SCN9A: variants seen among roughly 807,000 people sequenced by gnomAD.
SCN9A encodes the protein sodium channel protein type 9 subunit alpha.
SCN9A carries 131 observed loss-of-function variants against 187.0 expected under a neutral mutation model. That is an observed-to-expected ratio of 0.70 (90% CI 0.61 to 0.81). The LOEUF is 0.81. Among genes scored for constraint, SCN9A ranks in the 30% least tolerant of loss-of-function variants. SCN9A has a pLI of 0.00. For synonymous variants in SCN9A, 809 were observed against 808.6 expected, an observed-to-expected ratio of 1.00 and a Z score of -0.01; for missense variants, 2,252 against 2,396.6, an observed-to-expected ratio of 0.94 and a Z score of 1.26.
intron 1 of SCN9A, among the ~76,000 whole-genome samples, chr2:166,348,687 C>A (rs2105294353): frequency 6.6e-6 from 1 of 152,188 alleles, no homozygotes; most frequent in Admixed American, 6.5e-5. Flanking sequence ...CTAAGTGGTC[C>A]CAGCCCAATT....
intron 1 of SCN9A, among the ~76,000 whole-genome samples, chr2:166,352,005 A>T (rs6432907): frequency 0.62 from 93,508 of 151,934 alleles, 29,151 homozygotes; most frequent in African/African-American, 0.73. Context: ...TCACAAATAG[A>T]CTTCCCTATT....
chr2:166,289,862 T>C (rs1697961607), intron 9 of SCN9A, among the ~76,000 whole-genome samples: 1 of 152,180 alleles, frequency 6.6e-6, no homozygotes, highest in Admixed American at 6.5e-5. Context: ...GGTATCTCAT[T>C]GTGGTTTTGA....
chr2:166,224,012 A>G (rs1694739525), intron 24 of SCN9A, among the ~76,000 whole-genome samples: 1 of 152,196 alleles, frequency 6.6e-6, no homozygotes, highest in African/African-American at 2.4e-5. Flanking sequence ...CTTCTAAATC[A>G]GTAACTGTTT....
At chr2:166,217,039 G>T (rs971141801) in intron 24 of SCN9A, among the ~76,000 whole-genome samples, 1 of 152,080 alleles carries the variant, frequency 6.6e-6, no homozygotes, top group Non-Finnish European at 1.5e-5. Context: ...AGGATAAAAA[G>T]CCCAGAAATA....
intron 1 of SCN9A, among the ~76,000 whole-genome samples, chr2:166,374,297 T>G (rs1202002609): frequency 6.6e-6 from 1 of 152,210 alleles, no homozygotes; most frequent in Non-Finnish European, 1.5e-5. Flanking sequence ...CTTTTAAACC[T>G]CTACAAAATT....
rs1697320451 is a variant in SCN9A, at chr2:166,278,157, G to T, written c.2500C>A (p.Leu834Met). 6.2e-7 allele frequency: 1 copy of T among 1,612,348 alleles called. No individual in the cohort carries two copies. The highest frequency in any genetic ancestry group is 1.3e-5 in the African/African-American group (1 of 74,806). Residue 834 changes from leucine to methionine, a missense_variant, in exon 15 of 27, where the codon CTG becomes ATG. Leu to Met is a conservative substitution (Grantham distance 15). Transcript: ENST00000642356. ...ATGTTTACCAGTCTGAATGATCGCA[G>T]AACTGACAATCCTTCCACATCTGCT... ...FLADVEGLSVLRSFRLLRVFK... is the reference protein window; with the variant it reads ...FLADVEGLSVMRSFRLLRVFK...
intron 19 of SCN9A, among the ~76,000 whole-genome samples, chr2:166,239,446 T>A (rs6432890): frequency 0.86 from 130,789 of 152,128 alleles, 56,315 homozygotes; most frequent in East Asian, 0.95. Flanking sequence ...ACGTTCTGCT[T>A]TCAATACTCT....
intron 5 of SCN9A, 148 bp from the exon 6 acceptor site, chr2:166,304,477 T>C: frequency 1.6e-6 from 1 of 634,326 alleles, no homozygotes; most frequent in South Asian, 2.1e-5. Flanking sequence ...CTAACTTAAT[T>C]TAATTAGCAT....
At chr2:166,331,275 C>T (rs940732015) in intron 1 of SCN9A, among the ~76,000 whole-genome samples, 1 of 152,096 alleles carries the variant, frequency 6.6e-6, no homozygotes. Context: ...TTTACCACAA[C>T]TGAGTATAGT....
intron 17 of SCN9A, among the ~76,000 whole-genome samples, chr2:166,266,718 T>G (rs1388418262): frequency 6.6e-6 from 1 of 151,886 alleles, no homozygotes; most frequent in Non-Finnish European, 1.5e-5. Flanking sequence ...TCCCTTTTTG[T>G]GTCCTCTTCA....
rs58465962 is a variant in SCN9A, at chr2:166,288,596, C to T, written c.1155G>A (p.Val385=). The change falls in exon 10 of 27, where the codon GTG becomes GTA. Residue 385 remains valine (V), a synonymous_variant. Coordinates refer to ENST00000642356, the MANE Select transcript of SCN9A (RefSeq NM_001365536.1). ...GKTYMIFFVV[V]IFLGSFYLIN... is the part of the protein sequence containing the mutation. ...TTAGATAAAAGGAGCCCAGGAAAAT[C>T]ACTACGACAAAGAAGATCATGTAGG... 6.2e-7 allele frequency: 1 copy of T among 1,611,642 alleles called. No individual in the cohort carries two copies. The highest frequency in any genetic ancestry group is 2.2e-5 in the East Asian group (1 of 44,854).
At chr2:166,368,981 C>A (rs540688834) in intron 1 of SCN9A, among the ~76,000 whole-genome samples, 2 of 147,180 alleles carry the variant, frequency 1.4e-5, no homozygotes, top group African/African-American at 5.1e-5. Flanking sequence ...GAGTGAAACT[C>A]GGTCTCAAAA....
At chr2:166,313,915 T>C (rs1160768432) in intron 1 of SCN9A, among the ~76,000 whole-genome samples, 1 of 152,144 alleles carries the variant, frequency 6.6e-6, no homozygotes, top group African/African-American at 2.4e-5. Flanking sequence ...GGGTTACTAA[T>C]TGGCCTAATT....
At position 166,280,566 on chromosome 2, in the gene SCN9A, G is replaced by A. The variant is rs750152709; in HGVS notation, c.2134C>T (p.Pro712Ser). The change falls in exon 14 of 27, where the codon CCT (proline) becomes TCT (serine). Residue 712 changes from proline to serine, a missense_variant. Pro to Ser is a moderately conservative substitution (Grantham distance 74). Transcript: ENST00000642356. ...ELEESRQKCPPWWYRFAHKFL... is the reference protein window; with the variant it reads ...ELEESRQKCPSWWYRFAHKFL... ...TTGTGTGCAAATCTGTACCACCAAG[G>A]TGGACATTTTTGTCTGGACTCTTCA... 2 of 1,585,794 alleles carry A rather than the reference G, an allele frequency of 1.3e-6. No individual in the cohort carries two copies. The highest frequency in any genetic ancestry group is 8.6e-7 in the Non-Finnish European group (1 of 1,163,902).
chr2:166,286,657 T>C, intron 10 of SCN9A, 34 bp from the exon 11 acceptor site: 3 of 1,466,610 alleles, frequency 2.0e-6, no homozygotes, highest in Non-Finnish European at 2.7e-6. Flanking sequence ...CTTAAATGAG[T>C]CATTTCCAAA....
Position 166,370,053 on chromosome 2 carries a change from T to G in SCN9A, c.-51+5644A>C, listed in dbSNP as rs140445008. Among the ~76,000 whole-genome samples, 724 of 152,022 alleles carry G rather than the reference T, an allele frequency of 4.8e-3. 6 individuals carry two copies. The highest frequency in any genetic ancestry group is 0.016 in the African/African-American group (659 of 41,492). The stretch of plus-strand genomic sequence containing the variant: ...GGATTTGAATATCTACATTTACTTC[T>G]TTTTTCAAATTCTAAAGTATAGACT... On this transcript the variant is annotated intron_variant, in intron 1 of 26. Coordinates refer to ENST00000642356, the MANE Select transcript of SCN9A (RefSeq NM_001365536.1).
At chr2:166,245,383 T>C (rs1695742463) in intron 18 of SCN9A, among the ~76,000 whole-genome samples, 1 of 151,796 alleles carries the variant, frequency 6.6e-6, no homozygotes, top group African/African-American at 2.4e-5. Context: ...TACCTACACA[T>C]CACTAGGACA....
intron 1 of SCN9A, among the ~76,000 whole-genome samples, chr2:166,331,192 T>C (rs1213119967): frequency 6.6e-6 from 1 of 152,208 alleles, no homozygotes; most frequent in African/African-American, 2.4e-5. Context: ...CATTTTTGGC[T>C]TCATTCTCTT....
chr2:166,289,666 T>C (rs982504183), intron 9 of SCN9A, among the ~76,000 whole-genome samples: 8 of 152,180 alleles, frequency 5.3e-5, no homozygotes, highest in Non-Finnish European at 7.3e-5. Context: ...GTCTTTACCA[T>C]AGAATGATAT....
Sources: gnomAD v4.1 joint callset for allele counts (sites outside exome capture counted in the v4.1 genomes callset) on GRCh38, gnomAD v4.1.1 for gene constraint, MANE v1.5 for transcripts, NCBI Gene and HGNC (gene_info 2026-07-23, HGNC 2026-07-21) for gene names.